SLC4A7: variants seen among roughly 807,000 people sequenced by gnomAD.
SLC4A7 encodes the protein solute carrier family 4 member 7.
SLC4A7 carries 51 observed loss-of-function variants against 137.6 expected under a neutral mutation model. The observed-to-expected ratio is 0.37, with a 90% CI of 0.30 to 0.47. SLC4A7 has a LOEUF of 0.47. SLC4A7 is among the 20% of genes least tolerant of loss of function. The pLI is 1.00. For synonymous variants in SLC4A7, 542 were observed against 518.6 expected (o/e 1.05, Z -0.61); for missense variants, 1,247 against 1,525.4 (o/e 0.82, Z 3.04).
chr3:27,460,000 C>T (rs1441459979), intron 1 of SLC4A7, among the ~76,000 whole-genome samples: 1 of 149,454 alleles, frequency 6.7e-6, no homozygotes, highest in Non-Finnish European at 1.5e-5. Flanking sequence ...TACACACACA[C>T]ACACACACAC....
At chr3:27,432,507 A>T (rs2056395727) in intron 6 of SLC4A7, among the ~76,000 whole-genome samples, 1 of 152,208 alleles carries the variant, frequency 6.6e-6, no homozygotes, top group East Asian at 1.9e-4. Context: ...AACCCCTCAT[A>T]TTTGTACTAA....
At chr3:27,434,369 C>T (rs1279795759) in intron 5 of SLC4A7, among the ~76,000 whole-genome samples, 1 of 152,038 alleles carries the variant, frequency 6.6e-6, no homozygotes, top group Non-Finnish European at 1.5e-5. Context: ...AAAGTGCTTC[C>T]CTGTATGAAT....
chr3:27,475,735 T>C (rs1439660974), intron 1 of SLC4A7, among the ~76,000 whole-genome samples: 1 of 152,168 alleles, frequency 6.6e-6, no homozygotes, highest in Non-Finnish European at 1.5e-5. Context: ...CAAAAATGGA[T>C]AAGGAAGTTC....
chr3:27,418,413 T>C (rs2054606417), intron 11 of SLC4A7, 73 bp downstream of exon 11: 13 of 1,295,052 alleles, frequency 1.0e-5, no homozygotes, highest in Non-Finnish European at 1.4e-5. Context: ...GTTTTGGTTT[T>C]TGAATCACAC....
intron 1 of SLC4A7, among the ~76,000 whole-genome samples, chr3:27,474,855 C>G (rs189693066): frequency 2.0e-5 from 3 of 152,200 alleles, no homozygotes; most frequent in East Asian, 3.9e-4. Flanking sequence ...GGCGCGGTGG[C>G]TCACACATAT....
At chr3:27,387,074 T>C (rs1055484723) in intron 22 of SLC4A7, among the ~76,000 whole-genome samples, 3 of 152,170 alleles carry the variant, frequency 2.0e-5, no homozygotes, top group Non-Finnish European at 4.4e-5. Context: ...TCTATTCATA[T>C]GCCAATTCTA....
intron 1 of SLC4A7, among the ~76,000 whole-genome samples, chr3:27,466,268 G>A (rs986168547): frequency 4.6e-5 from 7 of 151,542 alleles, no homozygotes; most frequent in African/African-American, 1.5e-4. Context: ...TGGCTAACAC[G>A]GTGAAACCCC....
chr3:27,477,803 C>T (rs553678387), intron 1 of SLC4A7, among the ~76,000 whole-genome samples: 7 of 152,144 alleles, frequency 4.6e-5, no homozygotes, highest in East Asian at 1.9e-4. Flanking sequence ...TTAGTAGAGA[C>T]GGGGTTTCAC....
At chr3:27,482,114 CA>C (rs1302985986) in intron 1 of SLC4A7, among the ~76,000 whole-genome samples, 1 of 152,216 alleles carries the variant, frequency 6.6e-6, no homozygotes, top group Non-Finnish European at 1.5e-5. Context: ...GCCTGGGTGA[CA>C]GAGCGAAACT....
chr3:27,391,427 C>T (rs2051543481), intron 21 of SLC4A7, among the ~76,000 whole-genome samples: 1 of 152,106 alleles, frequency 6.6e-6, no homozygotes, highest in Admixed American at 6.6e-5. Context: ...TTTTAAGTAC[C>T]AAAACTTTTT....
chr3:27,448,527 C>A (rs1227916401), intron 3 of SLC4A7, 124 bp downstream of exon 3: 2 of 687,472 alleles, frequency 2.9e-6, no homozygotes, highest in Non-Finnish European at 4.8e-6. Flanking sequence ...ACAATACATT[C>A]CCCATACAAT....
chr3:27,405,967 AAAGT>A (rs1467686416), intron 13 of SLC4A7, among the ~76,000 whole-genome samples: 1 of 152,244 alleles, frequency 6.6e-6, no homozygotes, highest in Non-Finnish European at 1.5e-5. Flanking sequence ...AAAGAATCAG[AAAGT>A]AAGGAAAGAA....
At chr3:27,471,592 A>T (rs1300086328) in intron 1 of SLC4A7, among the ~76,000 whole-genome samples, 3 of 152,158 alleles carry the variant, frequency 2.0e-5, no homozygotes, top group Non-Finnish European at 4.4e-5. Flanking sequence ...GACTGGTCTC[A>T]AACTCCTGAC....
chr3:27,414,367 C>T (rs2054185298), intron 11 of SLC4A7, among the ~76,000 whole-genome samples: 1 of 152,104 alleles, frequency 6.6e-6, no homozygotes, highest in Non-Finnish European at 1.5e-5. Flanking sequence ...TTGTGTATAA[C>T]TCCCTGAAAC....
Position 27,391,824 on chromosome 3 carries a change from A to C in SLC4A7, c.3118-16T>G, listed in dbSNP as rs752740423. 3.4e-6 allele frequency: 5 copies of C among 1,489,664 alleles called. No individual in the cohort carries two copies. The highest frequency in any genetic ancestry group is 4.6e-6 in the Non-Finnish European group (5 of 1,076,438). 92.3% of individuals were successfully genotyped at this position (1,489,664 alleles called of 1,614,324 possible). On this transcript the variant is annotated splice_polypyrimidine_tract_variant and intron_variant, in intron 20 of 25. Coordinates refer to ENST00000454389, the MANE Select transcript of SLC4A7 (RefSeq NM_001321103.2). The stretch of plus-strand genomic sequence containing the variant: ...TTGGAATAAACTGTAAATAAAATGA[A>C]CACAATTAGAACTCATGAGTAGTAA...
At chr3:27,431,948 T>A (rs1173970172) in intron 6 of SLC4A7, among the ~76,000 whole-genome samples, 1 of 152,178 alleles carries the variant, frequency 6.6e-6, no homozygotes, top group Non-Finnish European at 1.5e-5. Context: ...ACCAATAGCA[T>A]GGCATTTTTA....
chr3:27,450,965 G>A (rs2150545686), intron 2 of SLC4A7, among the ~76,000 whole-genome samples: 1 of 152,074 alleles, frequency 6.6e-6, no homozygotes. Context: ...ATAGGTGAGG[G>A]TTGACATTAA....
intron 24 of SLC4A7, among the ~76,000 whole-genome samples, chr3:27,380,232 G>A (rs931918175): frequency 1.2e-4 from 18 of 151,242 alleles, no homozygotes; most frequent in East Asian, 2.0e-4. Context: ...TCTTGAACCC[G>A]GGGGGCAGAG....
At position 27,409,529 on chromosome 3, in the gene SLC4A7, G is replaced by A. The variant is rs1462959196; in HGVS notation, c.1768C>T (p.Leu590Phe). 2 of 1,610,118 alleles carry A rather than the reference G, an allele frequency of 1.2e-6. No homozygotes were observed. The highest frequency in any genetic ancestry group is 1.7e-5 in the Admixed American group (1 of 59,404). The change falls in exon 13 of 26, where the codon CTT becomes TTT. Residue 590 changes from leucine to phenylalanine, a missense_variant and splice_region_variant. Leu to Phe is a conservative substitution (Grantham distance 22). Transcript: ENST00000454389. Reference sequence around the variant, plus strand: ...ATGTCAAGTATCAAACCACCAAAAAGCCTAAATAGGTGAGATGAAACTCGT... The same window carrying A: ...ATGTCAAGTATCAAACCACCAAAAAACCTAAATAGGTGAGATGAAACTCGT... ...AGPELQRTGR[L>F]FGGLILDIKR...
Sources: gnomAD v4.1 joint callset for allele counts (sites outside exome capture counted in the v4.1 genomes callset) on GRCh38, gnomAD v4.1.1 for gene constraint, MANE v1.5 for transcripts, NCBI Gene and HGNC (gene_info 2026-07-23, HGNC 2026-07-21) for gene names.